The following CXCL13 variants were observed in gnomAD, a reference collection of about 807,000 sequenced individuals.
CXCL13 encodes C-X-C motif chemokine 13.
A neutral mutation model predicts 12.2 loss-of-function variants in CXCL13; 7 were observed. The ratio of observed to expected loss-of-function variants is 0.57; its 90% CI spans 0.33 to 1.07. CXCL13 has a LOEUF of 1.07. Ranked by LOEUF, CXCL13 falls within the 50% of genes least tolerant of loss-of-function variation. The pLI, the probability that CXCL13 is intolerant of heterozygous loss-of-function variation, is 0.04. For synonymous variants in CXCL13, 47 were observed against 42.4 expected, an observed-to-expected ratio of 1.11 and a Z score of -0.42; for missense variants, 113 against 127.4, an observed-to-expected ratio of 0.89 and a Z score of 0.55.
At chr4:77,573,887 A>G (rs781196898) in intron 1 of CXCL13, among the ~76,000 whole-genome samples, 49 of 151,866 alleles carry the variant, frequency 3.2e-4, no homozygotes, top group Non-Finnish European at 1.0e-4. Context: ...TTTGAGGGAC[A>G]TTAGGGGTGA....
At chr4:77,517,248 AGGTGT>A (rs1430562415) in intron 1 of CXCL13, among the ~76,000 whole-genome samples, 2 of 152,116 alleles carry the variant, frequency 1.3e-5, no homozygotes, top group East Asian at 3.9e-4. Context: ...ATTTTGGAAT[AGGTGT>A]GGTGTGGTGC....
chr4:77,582,046 G>A (rs907095573), intron 1 of CXCL13, among the ~76,000 whole-genome samples: 1 of 151,698 alleles, frequency 6.6e-6, no homozygotes, highest in South Asian at 2.1e-4. Context: ...TTTCGGCCTG[G>A]AAAACATAGA....
rs957462583 is a variant in CXCL13 at position 77,611,009 on chromosome 4, A to C, written c.300A>C (p.Pro100=). The change falls in exon 4 of 4, where the codon CCA becomes CCC. Residue 100 remains proline (P), a synonymous_variant. Transcript: ENST00000682537. ...VLRKRSSSTL[P]VPVFKRKIP Reference sequence around the variant, plus strand: ...ACAGAAGAAGTTCTTCAACTCTACCAGTTCCAGTGTTTAAGAGAAAGATTC... The same window carrying C: ...ACAGAAGAAGTTCTTCAACTCTACCCGTTCCAGTGTTTAAGAGAAAGATTC... The C allele has an allele frequency of 6.2e-7, 1 of 1,611,384 alleles. No homozygotes were observed. Among genetic ancestry groups the C allele is most frequent in the Non-Finnish European group, 8.5e-7 (1 of 1,179,686 alleles).
At chr4:77,533,300 G>A (rs1016800468) in intron 1 of CXCL13, among the ~76,000 whole-genome samples, 12 of 152,306 alleles carry the variant, frequency 7.9e-5, no homozygotes, top group African/African-American at 2.2e-4. Flanking sequence ...GGAGGTCTAC[G>A]CCAGACCCTG....
At chr4:77,560,462 C>T (rs534755110) in intron 1 of CXCL13, among the ~76,000 whole-genome samples, 2 of 152,266 alleles carry the variant, frequency 1.3e-5, no homozygotes, top group South Asian at 2.1e-4. Flanking sequence ...CTAAACAATG[C>T]CTTTTGAGGT....
intron 1 of CXCL13, among the ~76,000 whole-genome samples, chr4:77,582,207 T>C (rs1306796749): frequency 6.6e-6 from 1 of 152,188 alleles, no homozygotes; most frequent in Non-Finnish European, 1.5e-5. Context: ...CCTCCCTCTA[T>C]ACATTGGAGC....
At chr4:77,524,756 A>G (rs1276312882) in intron 1 of CXCL13, among the ~76,000 whole-genome samples, 3 of 152,096 alleles carry the variant, frequency 2.0e-5, no homozygotes, top group African/African-American at 7.2e-5. Flanking sequence ...AGTGAGATGA[A>G]CCAGGTACCT....
chr4:77,563,610 C>G (rs1725863980), intron 1 of CXCL13, among the ~76,000 whole-genome samples: 1 of 152,170 alleles, frequency 6.6e-6, no homozygotes, highest in African/African-American at 2.4e-5. Flanking sequence ...CAATTAACTT[C>G]TCTTGAATAC....
intron 1 of CXCL13, among the ~76,000 whole-genome samples, chr4:77,554,921 G>A (rs1255247299): frequency 6.6e-6 from 1 of 151,938 alleles, no homozygotes; most frequent in Non-Finnish European, 1.5e-5. Flanking sequence ...GTAGGATACA[G>A]CTGAAGCAGT....
chr4:77,557,007 A>G (rs1725674429), intron 1 of CXCL13, among the ~76,000 whole-genome samples: 1 of 152,086 alleles, frequency 6.6e-6, no homozygotes, highest in Admixed American at 6.6e-5. Context: ...GCAGAGTGAG[A>G]CCCAAAAGAC....
At chr4:77,522,364 G>T (rs925493337) in intron 1 of CXCL13, among the ~76,000 whole-genome samples, 9 of 151,986 alleles carry the variant, frequency 5.9e-5, no homozygotes, top group African/African-American at 1.7e-4. Context: ...GAATCTGGGT[G>T]CTCCTGTATT....
At chr4:77,521,112 G>C (rs1724583894) in intron 1 of CXCL13, among the ~76,000 whole-genome samples, 1 of 152,154 alleles carries the variant, frequency 6.6e-6, no homozygotes, top group South Asian at 2.1e-4. Flanking sequence ...TGCTGGATTT[G>C]GTTTGCCAGT....
intron 1 of CXCL13, among the ~76,000 whole-genome samples, chr4:77,525,696 A>G (rs551496853): frequency 1.3e-5 from 2 of 151,940 alleles, no homozygotes; most frequent in African/African-American, 2.4e-5. Flanking sequence ...ACTAAGTTAA[A>G]CCTCTTGATT....
At chr4:77,603,250 T>G (rs1218742422), upstream of CXCL13, among the ~76,000 whole-genome samples, 3 of 151,926 alleles carry the variant, frequency 2.0e-5, no homozygotes, top group East Asian at 5.8e-4. Context: ...CACAAAAGAG[T>G]GAAATGAATT....
intron 1 of CXCL13, among the ~76,000 whole-genome samples, chr4:77,557,997 T>C (rs897868141): frequency 1.5e-4 from 23 of 152,218 alleles, no homozygotes; most frequent in African/African-American, 5.5e-4. Context: ...TTGCACCATC[T>C]CTTTGTGTCC....
intron 1 of CXCL13, among the ~76,000 whole-genome samples, chr4:77,515,109 A>G (rs1430318505): frequency 2.0e-5 from 3 of 151,414 alleles, no homozygotes; most frequent in Non-Finnish European, 4.4e-5. Flanking sequence ...CAAAGATCAG[A>G]TGGTTGTAGA....
intron 1 of CXCL13, among the ~76,000 whole-genome samples, chr4:77,559,690 AG>A (rs1023778216): frequency 2.0e-5 from 3 of 152,100 alleles, no homozygotes; most frequent in Non-Finnish European, 4.4e-5. Context: ...TGGGAGGCCG[AG>A]GCAGGCAGAT....
chr4:77,579,977 CAG>C (rs1222428257), intron 1 of CXCL13, among the ~76,000 whole-genome samples: 2 of 152,108 alleles, frequency 1.3e-5, no homozygotes, highest in Non-Finnish European at 2.9e-5. Context: ...GGCATAGACA[CAG>C]AGAGTCAGAT....
chr4:77,592,153 T>C (rs1175440375), intron 1 of CXCL13, among the ~76,000 whole-genome samples: 2 of 152,238 alleles, frequency 1.3e-5, no homozygotes, highest in Non-Finnish European at 2.9e-5. Flanking sequence ...TATTGTAGTT[T>C]TATTCACAAT....
Sources: gnomAD v4.1 joint callset for allele counts (sites outside exome capture counted in the v4.1 genomes callset) on GRCh38, gnomAD v4.1.1 for gene constraint, MANE v1.5 for transcripts, NCBI Gene and HGNC (gene_info 2026-07-23, HGNC 2026-07-21) for gene names.